Variants in ITPRID1 observed in about 807,000 individuals in gnomAD.
The protein encoded by ITPRID1 is ITPR interacting domain containing 1, also known as protein ITPRID1.
In ITPRID1, 96 loss-of-function variants were observed where a neutral mutation model predicts 95.4. The observed-to-expected ratio is 1.01, with a 90% CI of 0.85 to 1.19. The LOEUF (loss-of-function observed/expected upper bound fraction) is 1.19. Ranked by LOEUF, ITPRID1 falls within the 50% of genes most tolerant of loss-of-function variation. The probability of loss-of-function intolerance (pLI) is 0.00; values close to 1 mark genes in which losing one functional copy is unlikely to be tolerated. For synonymous variants in ITPRID1, 510 were observed against 453.6 expected, an observed-to-expected ratio of 1.12 and a Z score of -1.58; for missense variants, 1,339 against 1,252.9, an observed-to-expected ratio of 1.07 and a Z score of -1.04.
rs1334102112 is a variant in ITPRID1 at position 31,643,466 on chromosome 7, C to T, written c.2096C>T (p.Pro699Leu). ...PGTEAEMENL[P>L]LNTGSSRSVM... ...ACAGAAGCTGAGATGGAAAACCTTC[C>T]TCTAAATACTGGCAGCTCCAGGTCT... Residue 699 changes from proline (P) to leucine (L), a missense_variant, in exon 12 of 15, where the codon CCT becomes CTT. By Grantham distance (98) the Pro-to-Leu change is moderately conservative (BLOSUM62 -3). Transcript: ENST00000615280. The T allele has an allele frequency of 1.2e-6, 2 of 1,614,010 alleles. No individual in the cohort carries two copies. The highest frequency in any genetic ancestry group is 1.7e-6 in the Non-Finnish European group (2 of 1,179,892).
chr7:31,534,691 T>G (rs1276459813), intron 1 of ITPRID1, among the ~76,000 whole-genome samples: 2 of 152,154 alleles, frequency 1.3e-5, no homozygotes, highest in African/African-American at 4.8e-5. Flanking sequence ...TAATTTGATT[T>G]TTTTTCTATC....
chr7:31,594,514 TAAATAAG>T (rs1364096166), intron 10 of ITPRID1, among the ~76,000 whole-genome samples: 1 of 152,204 alleles, frequency 6.6e-6, no homozygotes. Flanking sequence ...TTCAAAACAC[TAAATAAG>T]AAATAATTCT....
chr7:31,631,212 GT>G (rs1395044043), intron 10 of ITPRID1, among the ~76,000 whole-genome samples: 1 of 152,102 alleles, frequency 6.6e-6, no homozygotes, highest in Non-Finnish European at 1.5e-5. Flanking sequence ...CCTATCAATT[GT>G]TTTTTACAGA....
chr7:31,651,963 G>A lies in ITPRID1; in HGVS notation c.2736G>A (p.Thr912=), dbSNP rs532365607. The A allele has an allele frequency of 1.6e-5, 26 of 1,601,708 alleles. No individual in the cohort carries two copies. The highest frequency in any genetic ancestry group is 1.7e-4 in the Middle Eastern group (1 of 6,008). The change falls in exon 14 of 15, where the codon ACG becomes ACA. Residue 912 remains threonine (T), a synonymous_variant. Coordinates refer to ENST00000615280, the MANE Select transcript of ITPRID1 (RefSeq NM_001257967.3). Reference sequence around the variant, plus strand: ...GGGAGGAGGCCGAGCAACTGCAAACGTTACGTGAGGCCCTGAGGCAGCAGG... The same window carrying A: ...GGGAGGAGGCCGAGCAACTGCAAACATTACGTGAGGCCCTGAGGCAGCAGG... ...EEREEAEQLQ[T]LREALRQQVA...
chr7:31,556,566 A>T (rs917523817), intron 5 of ITPRID1, among the ~76,000 whole-genome samples: 1 of 152,080 alleles, frequency 6.6e-6, no homozygotes, highest in Non-Finnish European at 1.5e-5. Flanking sequence ...AGAGAGCTGC[A>T]CTGAGCTTGG....
At chr7:31,608,516 G>T (rs182168889) in intron 10 of ITPRID1, among the ~76,000 whole-genome samples, 3 of 151,560 alleles carry the variant, frequency 2.0e-5, no homozygotes, top group East Asian at 3.9e-4. Flanking sequence ...CCATTTATTT[G>T]GTCTTCTTTA....
intron 10 of ITPRID1, among the ~76,000 whole-genome samples, chr7:31,640,927 T>C (rs1789960953): frequency 6.6e-6 from 1 of 152,204 alleles, no homozygotes; most frequent in Non-Finnish European, 1.5e-5. Context: ...TGTTTGAGGC[T>C]GAATTAAAGA....
chr7:31,648,310 C>T, intron 12 of ITPRID1, among the ~76,000 whole-genome samples: 1 of 151,916 alleles, frequency 6.6e-6, no homozygotes, highest in Non-Finnish European at 1.5e-5. Context: ...GGGTTATAAT[C>T]AAGCCTTTAT....
At chr7:31,651,380 G>C (rs566574293) in intron 13 of ITPRID1, 111 bp downstream of exon 13, 22 of 1,255,182 alleles carry the variant, frequency 1.8e-5, no homozygotes, top group Middle Eastern at 2.5e-4. Context: ...ATGAGAAACC[G>C]GCCAGCTTTT....
At chr7:31,641,395 C>T (rs1438213222) in intron 10 of ITPRID1, among the ~76,000 whole-genome samples, 1 of 152,124 alleles carries the variant, frequency 6.6e-6, no homozygotes, top group Non-Finnish European at 1.5e-5. Flanking sequence ...AGGAGGCCAC[C>T]TTGCAACCCC....
At chr7:31,526,140 C>T (rs1783414970) in intron 1 of ITPRID1, among the ~76,000 whole-genome samples, 1 of 152,316 alleles carries the variant, frequency 6.6e-6, no homozygotes, top group East Asian at 1.9e-4. Context: ...AAATCTTCTA[C>T]TTCCCTTTTA....
intron 9 of ITPRID1, among the ~76,000 whole-genome samples, chr7:31,580,397 ACT>A (rs1785355624): frequency 6.6e-6 from 1 of 151,944 alleles, no homozygotes; most frequent in South Asian, 2.1e-4. Flanking sequence ...GCCTCGTCAG[ACT>A]CTATTGTCCC....
At chr7:31,522,749 T>C (rs1212637725) in intron 1 of ITPRID1, among the ~76,000 whole-genome samples, 1 of 152,138 alleles carries the variant, frequency 6.6e-6, no homozygotes, top group African/African-American at 2.4e-5. Context: ...CAATCTTAAA[T>C]TATAAGAAAG....
intron 1 of ITPRID1, among the ~76,000 whole-genome samples, chr7:31,537,093 T>TG (rs1783782406): frequency 8.4e-5 from 9 of 107,700 alleles, no homozygotes; most frequent in African/African-American, 1.8e-4. Context: ...AAGGTGTGTG[T>TG]GTTGTGTGTG....
At chr7:31,618,323 AG>A (rs1273634164) in intron 10 of ITPRID1, among the ~76,000 whole-genome samples, 1 of 149,690 alleles carries the variant, frequency 6.7e-6, no homozygotes, top group African/African-American at 2.5e-5. Flanking sequence ...GAAAATCCAA[AG>A]GGGGCAAATT....
chr7:31,577,597 G>A (rs1785230706), intron 8 of ITPRID1, among the ~76,000 whole-genome samples: 1 of 152,124 alleles, frequency 6.6e-6, no homozygotes, highest in African/African-American at 2.4e-5. Context: ...AAAACTATAG[G>A]CATATATGAA....
intron 10 of ITPRID1, among the ~76,000 whole-genome samples, chr7:31,591,401 C>G (rs1255516902): frequency 6.6e-6 from 1 of 152,176 alleles, no homozygotes; most frequent in Non-Finnish European, 1.5e-5. Flanking sequence ...GTAAACACTC[C>G]TGATTGGCTT....
chr7:31,621,817 G>A (rs538711528), intron 10 of ITPRID1, among the ~76,000 whole-genome samples: 12 of 151,266 alleles, frequency 7.9e-5, no homozygotes, highest in African/African-American at 2.7e-4. Flanking sequence ...CTGGCAAATT[G>A]GATAAAGAGT....
rs756831152 is a variant in ITPRID1 at position 31,652,834 on chromosome 7, G to C, written c.*5G>C. 1.1e-5 allele frequency: 17 copies of C among 1,606,188 alleles called. No homozygotes were observed. Among genetic ancestry groups the C allele is most frequent in the Non-Finnish European group, 1.4e-5 (17 of 1,173,528 alleles). ...GATGCAGATGTCTTCCTCTAGATCA[G>C]AGCAGGTTTGTTAACCTTCATACAA... On this transcript the variant is annotated 3_prime_UTR_variant, in exon 15 of 15. Coordinates refer to ENST00000615280, the MANE Select transcript of ITPRID1 (RefSeq NM_001257967.3).
Sources: gnomAD v4.1 joint callset for allele counts (sites outside exome capture counted in the v4.1 genomes callset) on GRCh38, gnomAD v4.1.1 for gene constraint, MANE v1.5 for transcripts, NCBI Gene and HGNC (gene_info 2026-07-23, HGNC 2026-07-21) for gene names.